Variants in SASS6 observed in about 807,000 individuals in gnomAD.
The protein encoded by SASS6 is SAS-6 centriolar assembly protein, also known as spindle assembly abnormal protein 6 homolog.
A neutral mutation model predicts 94.9 loss-of-function variants in SASS6; 59 were observed. The ratio of observed to expected loss-of-function variants is 0.62; its 90% CI spans 0.50 to 0.77. The LOEUF (loss-of-function observed/expected upper bound fraction) is 0.77, where lower values mean the gene tolerates loss of function less well. Among genes scored for constraint, SASS6 ranks in the 30% least tolerant of loss-of-function variants. The pLI is 0.00. For missense variants in SASS6, 698 were observed against 734.1 expected, an observed-to-expected ratio of 0.95 and a Z score of 0.57; for synonymous variants, 264 against 270.0, an observed-to-expected ratio of 0.98 and a Z score of 0.22.
intron 2 of SASS6, among the ~76,000 whole-genome samples, chr1:100,125,664 C>T (rs371696025): frequency 7.4e-5 from 7 of 94,596 alleles, no homozygotes; most frequent in African/African-American, 2.7e-4. Flanking sequence ...AGCAAGACTC[C>T]ATCTCAAAAA....
At chr1:100,104,825 C>A (rs528585474) in intron 13 of SASS6, among the ~76,000 whole-genome samples, 16 of 150,970 alleles carry the variant, frequency 1.1e-4, no homozygotes, top group African/African-American at 3.9e-4. Context: ...CAGTGGCTCA[C>A]AGCTATAATC....
chr1:100,121,492 T>C lies in SASS6; in HGVS notation c.369A>G (p.Leu123=), dbSNP rs150747825. Residue 123 remains leucine (L), a synonymous_variant, in exon 5 of 17, where the codon TTA becomes TTG. Transcript: ENST00000287482. ...TAAAAGGATTTGTCTCTACCACATT[T>C]AAAAATGCAGGTGAGTTATCCAAAA... ...AAILDNSPAF[L]NVVETNPFKH... is the part of the protein sequence containing the mutation. 3.5e-4 allele frequency: 555 copies of C among 1,599,778 alleles called. 3 individuals are homozygous for C. In the East Asian group the frequency reaches 7.8e-3, roughly 22 times the overall value.
chr1:100,105,724 A>C (rs1259125353), intron 13 of SASS6, 43 bp downstream of exon 13: 1 of 1,584,982 alleles, frequency 6.3e-7, no homozygotes, highest in African/African-American at 1.4e-5. Context: ...CTTTTGTTTC[A>C]GGAAATTCAC....
intron 16 of SASS6, 32 bp from the exon 17 acceptor site, chr1:100,085,466 A>T (rs745639481): frequency 6.4e-7 from 1 of 1,561,160 alleles, no homozygotes; most frequent in East Asian, 2.2e-5. Flanking sequence ...GGTTACTGGT[A>T]TTCATTAAGT....
At chr1:100,092,300 A>T (rs1467461049) in intron 14 of SASS6, among the ~76,000 whole-genome samples, 1 of 152,192 alleles carries the variant, frequency 6.6e-6, no homozygotes, top group African/African-American at 2.4e-5. Flanking sequence ...CAGTTTTAAA[A>T]TGCTTAAGGA....
rs116817536 is a variant in SASS6 at position 100,131,340 on chromosome 1, C to T, written c.65+1410G>A. On this transcript the variant is annotated intron_variant, in intron 1 of 16. Coordinates refer to ENST00000287482, the MANE Select transcript of SASS6 (RefSeq NM_194292.3). ...AAAGTGCTGGGACTACGGGTGTGAG[C>T]CACCATACCTAGCCTACTTTTAAAT... is the stretch of plus-strand genomic sequence containing the variant. Among the ~76,000 whole-genome samples the T allele has an allele frequency of 2.8e-3, 427 of 151,952 alleles. 3 individuals are homozygous for T. The highest frequency in any genetic ancestry group is 9.9e-3 in the African/African-American group (412 of 41,436).
intron 7 of SASS6, among the ~76,000 whole-genome samples, chr1:100,110,709 G>A (rs555030004): frequency 4.2e-4 from 63 of 151,804 alleles, no homozygotes; most frequent in Non-Finnish European, 5.5e-4. Context: ...TTACCACCAT[G>A]ATCTTGTTCA....
rs918081907 is a variant in SASS6 at position 100,084,845 on chromosome 1, A to G, written c.*483T>C. 1.3e-5 allele frequency: 2 copies of G among 152,426 alleles called. No homozygotes were observed. The highest frequency in any genetic ancestry group is 1.5e-5 in the Non-Finnish European group (1 of 68,208). The allele number at this position is 152,426 out of a possible 1,614,324, so 9.4% of individuals were successfully genotyped here. A position where few individuals can be genotyped will look rare whatever the true frequency, so the allele number is the denominator to read the frequency against. On this transcript the variant is annotated 3_prime_UTR_variant, in exon 17 of 17. Transcript: ENST00000287482. The stretch of plus-strand genomic sequence containing the variant: ...GTAAATTTAGGACTTTTCCCTTTAA[A>G]TGTCATCAATAATATATCTCAAGAG...
At chr1:100,098,902 C>T (rs1042558752) in intron 14 of SASS6, among the ~76,000 whole-genome samples, 13 of 152,102 alleles carry the variant, frequency 8.5e-5, no homozygotes, top group African/African-American at 3.1e-4. Flanking sequence ...CATATACATG[C>T]ACATACATAT....
rs191720092 is a variant in SASS6, at chr1:100,120,208, A to C, written c.549+186T>G. Among the ~76,000 whole-genome samples, 14 of 152,366 alleles carry C rather than the reference A, an allele frequency of 9.2e-5. No homozygotes were observed. The East Asian group carries it at 1.5e-3, about 17-fold the overall frequency. On this transcript the variant is annotated intron_variant, in intron 6 of 16. Coordinates refer to ENST00000287482, the MANE Select transcript of SASS6 (RefSeq NM_194292.3). ...ATACAGAAATGTTTGTGTAAAATCA[A>C]GTATGTACAAGAGAAAGTATCAAAT...
At chr1:100,132,067 T>C (rs1219736351) in intron 1 of SASS6, among the ~76,000 whole-genome samples, 1 of 152,252 alleles carries the variant, frequency 6.6e-6, no homozygotes, top group African/African-American at 2.4e-5. Flanking sequence ...TGCACTTCTC[T>C]GTGCGACTGG....
intron 1 of SASS6, among the ~76,000 whole-genome samples, chr1:100,127,413 A>AT (rs1207803444): frequency 2.6e-5 from 4 of 152,204 alleles, no homozygotes; most frequent in Non-Finnish European, 5.9e-5. Context: ...AATTGTTTAG[A>AT]TTTTTTAATG....
At chr1:100,117,676 C>A (rs565968461) in intron 7 of SASS6, among the ~76,000 whole-genome samples, 148 of 146,828 alleles carry the variant, frequency 1.0e-3, no homozygotes, top group Non-Finnish European at 1.9e-3. Context: ...AAAAAAAAAA[C>A]AACCACACAG....
intron 8 of SASS6, among the ~76,000 whole-genome samples, 172 bp from the exon 9 acceptor site, chr1:100,108,176 A>G (rs767791974): frequency 2.6e-5 from 4 of 152,140 alleles, no homozygotes; most frequent in Non-Finnish European, 4.4e-5. Flanking sequence ...ATAGTAGCAT[A>G]TATCTGGAAT....
intron 14 of SASS6, among the ~76,000 whole-genome samples, chr1:100,090,370 G>A (rs2101639345): frequency 6.6e-6 from 1 of 152,172 alleles, no homozygotes; most frequent in East Asian, 1.9e-4. Flanking sequence ...TAAATACTAG[G>A]CATAAGAGAG....
chr1:100,110,590 T>C, intron 7 of SASS6, 107 bp from the exon 8 acceptor site: 3 of 540,400 alleles, frequency 5.6e-6, no homozygotes, highest in Non-Finnish European at 9.0e-6. Context: ...TTTTTTCTTT[T>C]TCTTTTTTGT....
chr1:100,130,221 G>A (rs745721335), intron 1 of SASS6, among the ~76,000 whole-genome samples: 1 of 152,190 alleles, frequency 6.6e-6, no homozygotes, highest in Non-Finnish European at 1.5e-5. Flanking sequence ...CTATTAAAAT[G>A]TGAGTTCCTT....
chr1:100,091,616 T>TA (rs1462290518), intron 14 of SASS6, among the ~76,000 whole-genome samples: 1 of 104,062 alleles, frequency 9.6e-6, no homozygotes, highest in Non-Finnish European at 2.0e-5. Context: ...CAAATGAATG[T>TA]AAAAAAGTCT....
chr1:100,106,679 T>G (rs577040062), intron 12 of SASS6, among the ~76,000 whole-genome samples: 2 of 152,020 alleles, frequency 1.3e-5, no homozygotes, highest in East Asian at 3.9e-4. Flanking sequence ...TGATAAAATC[T>G]CGTCTCTACA....
Sources: gnomAD v4.1 joint callset for allele counts (sites outside exome capture counted in the v4.1 genomes callset) on GRCh38, gnomAD v4.1.1 for gene constraint, MANE v1.5 for transcripts, NCBI Gene and HGNC (gene_info 2026-07-23, HGNC 2026-07-21) for gene names.